TRIP12: variants seen among roughly 807,000 people sequenced by gnomAD.
TRIP12 encodes the protein thyroid hormone receptor interactor 12.
A neutral mutation model predicts 244.2 loss-of-function variants in TRIP12; 25 were observed. The ratio of observed to expected loss-of-function variants is 0.10; its 90% CI spans 0.07 to 0.14. TRIP12 has a LOEUF of 0.14. Ranked by LOEUF, TRIP12 falls within the 10% of genes least tolerant of loss-of-function variation. The pLI is 1.00. For missense variants in TRIP12, 1,677 were observed against 2,486.4 expected, an observed-to-expected ratio of 0.67 and a Z score of 6.92; for synonymous variants, 905 against 873.1, an observed-to-expected ratio of 1.04 and a Z score of -0.64.
At chr2:229,773,234 C>A (rs1225007798) in intron 38 of TRIP12, among the ~76,000 whole-genome samples, 1 of 151,980 alleles carries the variant, frequency 6.6e-6, no homozygotes, top group African/African-American at 2.4e-5. Context: ...TGCCACCACA[C>A]CTGGCTAATT....
intron 1 of TRIP12, among the ~76,000 whole-genome samples, chr2:229,892,941 A>C (rs1317816005): frequency 6.6e-6 from 1 of 152,224 alleles, no homozygotes; most frequent in Non-Finnish European, 1.5e-5. Context: ...CTCATCTTCA[A>C]ATGGGCATAA....
At chr2:229,867,040 T>C (rs533814559) in intron 2 of TRIP12, among the ~76,000 whole-genome samples, 32 of 150,444 alleles carry the variant, frequency 2.1e-4, no homozygotes, top group African/African-American at 6.6e-4. Flanking sequence ...AAACTACTTG[T>C]ACCCTGAAAG....
At chr2:229,855,603 T>TAAAAAAAAAAAAAAAAAAAAAAAAAAA (rs1166000961) in intron 4 of TRIP12, among the ~76,000 whole-genome samples, 1 of 88,674 alleles carries the variant, frequency 1.1e-5, no homozygotes, top group Non-Finnish European at 2.4e-5. Context: ...AACAAGGGTT[T>TAAAAAAAAAAAAAAAAAAAAAAAAAAA]AAAAAAAAAA....
At chr2:229,879,207 T>G (rs1044586560) in intron 2 of TRIP12, among the ~76,000 whole-genome samples, 1 of 152,114 alleles carries the variant, frequency 6.6e-6, no homozygotes, top group South Asian at 2.1e-4. Flanking sequence ...GCTGAAATAG[T>G]GCCACTGCAC....
At chr2:229,810,407 A>G (rs1184798535) in intron 15 of TRIP12, among the ~76,000 whole-genome samples, 1 of 152,222 alleles carries the variant, frequency 6.6e-6, no homozygotes, top group East Asian at 1.9e-4. Flanking sequence ...AAATTTGAAA[A>G]GGTTTAGAAA....
chr2:229,886,592 G>A (rs551529058), intron 1 of TRIP12, among the ~76,000 whole-genome samples: 5 of 151,500 alleles, frequency 3.3e-5, no homozygotes, highest in African/African-American at 9.7e-5. Context: ...TCAGCCTCCC[G>A]GGTAGCTGGG....
chr2:229,898,420 T>C lies in TRIP12; in HGVS notation c.-49-18292A>G, dbSNP rs138431798. Among the ~76,000 whole-genome samples, 11 of 152,272 alleles carry C rather than the reference T, an allele frequency of 7.2e-5. No homozygotes were observed. The East Asian group carries it at 1.7e-3, about 24-fold the overall frequency. ...TTTAACCCTAATAACCCCAGAATTA[T>C]AGCAAGAGAAAGCCATTACTCACAT... On this transcript the variant is annotated intron_variant, in intron 1 of 41. Transcript: ENST00000675903.
At chr2:229,896,486 A>G (rs1339103527) in intron 1 of TRIP12, among the ~76,000 whole-genome samples, 1 of 151,984 alleles carries the variant, frequency 6.6e-6, no homozygotes, top group Non-Finnish European at 1.5e-5. Context: ...AAAAATACAA[A>G]AATTAGCTGG....
At position 229,765,603 on chromosome 2, in the gene TRIP12, G is replaced by T. The variant is rs959869779; in HGVS notation, c.*1951C>A. ...CATGGATAAAATGTCAAGTACAGATGAAACATTATTTTGTTTATACATGTC... is the reference window on the plus strand; with the variant it reads ...CATGGATAAAATGTCAAGTACAGATTAAACATTATTTTGTTTATACATGTC... On this transcript the variant is annotated 3_prime_UTR_variant, in exon 42 of 42. Coordinates refer to ENST00000675903, the MANE Select transcript of TRIP12 (RefSeq NM_001348323.3). 7 of 152,176 alleles carry T rather than the reference G, an allele frequency of 4.6e-5. No individual in the cohort carries two copies. The highest frequency in any genetic ancestry group is 8.8e-5 in the Non-Finnish European group (6 of 68,032). 9.4% of individuals were successfully genotyped at this position (152,176 alleles called of 1,614,324 possible).
At chr2:229,853,089 C>A (rs2154329941) in intron 4 of TRIP12, among the ~76,000 whole-genome samples, 1 of 152,212 alleles carries the variant, frequency 6.6e-6, no homozygotes, top group Admixed American at 6.5e-5. Flanking sequence ...ATTTCCTTTA[C>A]TATGAAAGCT....
At chr2:229,819,276 G>C (rs1219499789) in intron 8 of TRIP12, among the ~76,000 whole-genome samples, 3 of 152,184 alleles carry the variant, frequency 2.0e-5, no homozygotes, top group African/African-American at 7.2e-5. Flanking sequence ...TGGGTGCAGT[G>C]GCTCATGCCT....
rs775516584 is a variant in TRIP12, at chr2:229,767,697, T to A, written c.6061A>T (p.Thr2021Ser). ...LTIVRKTFES[T>S]ENPDDFLPSV... Reference sequence around the variant, plus strand: ...GGCAAGAAGTCATCTGGGTTTTCTGTTGATTCAAACGTCTTTCGGACAATT... The same window carrying A: ...GGCAAGAAGTCATCTGGGTTTTCTGATGATTCAAACGTCTTTCGGACAATT... The change falls in exon 42 of 42, where the codon ACA becomes TCA. Residue 2021 changes from threonine (T) to serine (S), a missense_variant. Physicochemically the swap from Thr to Ser is moderately conservative, Grantham distance 58 (BLOSUM62 1). Coordinates refer to ENST00000675903, the MANE Select transcript of TRIP12 (RefSeq NM_001348323.3). 4 of 1,614,152 alleles carry A rather than the reference T, an allele frequency of 2.5e-6. No individual in the cohort carries two copies. The East Asian group carries it at 6.7e-5, about 27-fold the overall frequency.
chr2:229,793,329 G>A (rs551310005), intron 26 of TRIP12, 184 bp from the exon 27 acceptor site: 97 of 519,086 alleles, frequency 1.9e-4, no homozygotes, highest in African/African-American at 1.7e-3. Context: ...ATTTTTATAC[G>A]TAAGAAATAA....
chr2:229,774,099 T>C lies in TRIP12; in HGVS notation c.5692A>G (p.Arg1898Gly). The change falls in exon 38 of 42, where the codon AGA becomes GGA. Residue 1898 changes from arginine to glycine, a missense_variant and splice_region_variant. By Grantham distance (125) the Arg-to-Gly change is moderately radical. This residue lies in a region of TRIP12 where 171 missense variants were observed against 388.4 expected (regional missense o/e 0.44). Coordinates refer to ENST00000675903, the MANE Select transcript of TRIP12 (RefSeq NM_001348323.3). ...VTIHNLEEYL[R>G]LVIFWALNEG... Reference sequence around the variant, plus strand: ...CCCCCAAAGACACAGTTACATACTCTTAGATACTCCTCTAAATTGTGGATA... The same window carrying C: ...CCCCCAAAGACACAGTTACATACTCCTAGATACTCCTCTAAATTGTGGATA... The C allele has an allele frequency of 6.2e-7, 1 of 1,613,594 alleles. No individual in the cohort carries two copies. Among genetic ancestry groups the C allele is most frequent in the Non-Finnish European group, 8.5e-7 (1 of 1,179,712 alleles).
In TRIP12 at chr2:229,851,003, C is replaced by G. The variant is rs186935865; in HGVS notation, c.1027+7769G>C. On this transcript the variant is annotated intron_variant, in intron 4 of 41. Coordinates refer to ENST00000675903, the MANE Select transcript of TRIP12 (RefSeq NM_001348323.3). ...CCACCATGGCTGAGCCTTCCCCCAC[C>G]TCCGTGGGCTCCTGTGCAGCCCAAG... Among the ~76,000 whole-genome samples, 187 of 152,352 alleles carry G rather than the reference C, an allele frequency of 1.2e-3. 1 individual carries two copies. Among genetic ancestry groups the G allele is most frequent in the Admixed American group, 2.9e-3 (45 of 15,312 alleles).
chr2:229,814,529 T>C, intron 11 of TRIP12: 1 of 428,040 alleles, frequency 2.3e-6, no homozygotes, highest in Non-Finnish European at 4.1e-6. Context: ...TCTAAGATAC[T>C]GAAAAATATG....
chr2:229,893,571 A>T (rs1193671578), intron 1 of TRIP12, among the ~76,000 whole-genome samples: 1 of 152,024 alleles, frequency 6.6e-6, no homozygotes, highest in Non-Finnish European at 1.5e-5. Flanking sequence ...CCTTTGTGTA[A>T]GGCTTCTTTG....
intron 21 of TRIP12, among the ~76,000 whole-genome samples, chr2:229,800,307 T>C (rs998978386): frequency 3.3e-5 from 5 of 152,200 alleles, no homozygotes; most frequent in Non-Finnish European, 7.3e-5. Flanking sequence ...TTAGAATCAT[T>C]TGCAAAATTA....
rs2154287280 is a variant in TRIP12 at position 229,818,436 on chromosome 2, C to T, written c.1527G>A (p.Met509Ile). ...CATTTCCCATGACCAGTAACTGACA[C>T]ATCTCAATAACTGCCTGAAGCTGTT... Reference protein sequence around the residue: ...ESQQLQAVIEMCQLLVMGNEE... With the variant: ...ESQQLQAVIEICQLLVMGNEE... Residue 509 changes from methionine to isoleucine, a missense_variant, in exon 9 of 42, where the codon ATG becomes ATA. This residue lies in a region of TRIP12 where 5 missense variants were observed against 28.4 expected (regional missense o/e 0.18). Coordinates refer to ENST00000675903, the MANE Select transcript of TRIP12 (RefSeq NM_001348323.3). The T allele has an allele frequency of 6.2e-7, 1 of 1,614,144 alleles. No individual in the cohort carries two copies.
Sources: gnomAD v4.1 joint callset for allele counts (sites outside exome capture counted in the v4.1 genomes callset) on GRCh38, gnomAD v4.1.1 for gene constraint, gnomAD v4.1.1 regional missense constraint, MANE v1.5 for transcripts, NCBI Gene and HGNC (gene_info 2026-07-23, HGNC 2026-07-21) for gene names.